NRP1: variants seen among roughly 807,000 people sequenced by gnomAD.
NRP1 encodes the protein neuropilin 1, also known as neuropilin-1.
In NRP1, 35 loss-of-function variants were observed where a neutral mutation model predicts 106.7. The ratio of observed to expected loss-of-function variants is 0.33; its 90% CI spans 0.25 to 0.43. NRP1 has a LOEUF of 0.43. Among genes scored for constraint, NRP1 ranks in the 20% least tolerant of loss-of-function variants. The probability of loss-of-function intolerance (pLI) is 1.00; values close to 1 mark genes in which losing one functional copy is unlikely to be tolerated. For synonymous variants in NRP1, 437 were observed against 417.9 expected, an observed-to-expected ratio of 1.05 and a Z score of -0.56; for missense variants, 1,024 against 1,170.4, an observed-to-expected ratio of 0.87 and a Z score of 1.83.
At chr10:33,311,750 T>C (rs544118173) in intron 2 of NRP1, among the ~76,000 whole-genome samples, 5 of 152,332 alleles carry the variant, frequency 3.3e-5, no homozygotes, top group African/African-American at 9.6e-5. Context: ...CACTTATATA[T>C]ATTTTTAAGC....
chr10:33,318,994 T>TTTTC (rs1265589824), intron 2 of NRP1, among the ~76,000 whole-genome samples: 19 of 132,802 alleles, frequency 1.4e-4, no homozygotes, highest in African/African-American at 4.4e-4. Context: ...AGAACTTTTC[T>TTTTC]TTTCTTTCTT....
At chr10:33,327,639 A>G (rs138318213) in intron 2 of NRP1, among the ~76,000 whole-genome samples, 235 of 152,092 alleles carry the variant, frequency 1.5e-3, no homozygotes, top group Non-Finnish European at 1.9e-3. Context: ...TTGTTCTTCA[A>G]ATAATTTCTG....
intron 15 of NRP1, among the ~76,000 whole-genome samples, chr10:33,184,296 G>A (rs548642128): frequency 1.7e-4 from 26 of 152,332 alleles, no homozygotes; most frequent in Non-Finnish European, 3.4e-4. Context: ...GATGACAGAC[G>A]TGAGCCACTG....
intron 2 of NRP1, among the ~76,000 whole-genome samples, chr10:33,272,119 A>G (rs949534374): frequency 1.2e-4 from 18 of 152,172 alleles, no homozygotes; most frequent in African/African-American, 4.1e-4. Flanking sequence ...CTCTTCTCAA[A>G]CTGCCCGGGA....
intron 6 of NRP1, among the ~76,000 whole-genome samples, chr10:33,247,501 TG>T (rs1430821500): frequency 6.6e-6 from 1 of 152,174 alleles, no homozygotes; most frequent in East Asian, 1.9e-4. Context: ...TGGGAAACCT[TG>T]GAGGACTGAA....
intron 6 of NRP1, among the ~76,000 whole-genome samples, chr10:33,240,712 C>A (rs1840944579): frequency 6.6e-6 from 1 of 152,126 alleles, no homozygotes. Context: ...AAAAAACTCT[C>A]CTTGGCATTA....
intron 2 of NRP1, among the ~76,000 whole-genome samples, chr10:33,290,055 G>T (rs1046145076): frequency 6.6e-6 from 1 of 152,082 alleles, no homozygotes; most frequent in Admixed American, 6.6e-5. Context: ...GTAAATTACA[G>T]GTTTTGTTCT....
chr10:33,232,873 C>A (rs1840268693), intron 6 of NRP1, among the ~76,000 whole-genome samples: 1 of 151,934 alleles, frequency 6.6e-6, no homozygotes, highest in African/African-American at 2.4e-5. Context: ...GTCTTGAACT[C>A]CTGACCTCAA....
At chr10:33,291,888 T>G (rs959315650) in intron 2 of NRP1, among the ~76,000 whole-genome samples, 1 of 152,196 alleles carries the variant, frequency 6.6e-6, no homozygotes, top group Non-Finnish European at 1.5e-5. Flanking sequence ...TAGGTTTTTT[T>G]GTCTGTTTTG....
At chr10:33,324,546 A>C (rs1300028913) in intron 2 of NRP1, among the ~76,000 whole-genome samples, 1 of 152,242 alleles carries the variant, frequency 6.6e-6, no homozygotes, top group Non-Finnish European at 1.5e-5. Context: ...AAAATGCATC[A>C]GTAGGATTCT....
intron 6 of NRP1, among the ~76,000 whole-genome samples, chr10:33,235,371 T>A (rs764338150): frequency 2.6e-5 from 4 of 152,320 alleles, no homozygotes; most frequent in Non-Finnish European, 5.9e-5. Context: ...AGGTGAAGAA[T>A]GCCATTTTCA....
rs75590100 is a variant in NRP1 at position 33,261,611 on chromosome 10, T to A, written c.658+2035A>T. On this transcript the variant is annotated intron_variant, in intron 4 of 16. Coordinates refer to ENST00000374867, the MANE Select transcript of NRP1 (RefSeq NM_003873.7). ...ATGTTAACTCACCCATTTATTCCAA[T>A]GGCAATATAAGGCTTCTCTAAACCT... 4.7e-3 allele frequency among the ~76,000 whole-genome samples: 712 copies of A among 152,322 alleles called. 5 individuals are homozygous for A. Among genetic ancestry groups the A allele is most frequent in the East Asian group, 0.04 (205 of 5,182 alleles).
At chr10:33,262,553 A>AT in intron 4 of NRP1, among the ~76,000 whole-genome samples, 1 of 152,130 alleles carries the variant, frequency 6.6e-6, no homozygotes, top group Middle Eastern at 3.4e-3. Context: ...AAATGCAAAA[A>AT]TTAGCTGAGT....
At chr10:33,214,679 A>G (rs1402581726) in intron 8 of NRP1, among the ~76,000 whole-genome samples, 4 of 152,066 alleles carry the variant, frequency 2.6e-5, no homozygotes, top group Non-Finnish European at 5.9e-5. Flanking sequence ...AAAAATCTCC[A>G]CTGCTAAGTG....
intron 2 of NRP1, among the ~76,000 whole-genome samples, chr10:33,315,715 G>A (rs1217585165): frequency 6.2e-5 from 6 of 96,722 alleles, no homozygotes; most frequent in African/African-American, 1.5e-4. Flanking sequence ...GTCAGAGGAC[G>A]GAGAAAGAAA....
At chr10:33,221,523 C>A (rs779417716) in intron 8 of NRP1, among the ~76,000 whole-genome samples, 196 bp downstream of exon 8, 2 of 152,004 alleles carry the variant, frequency 1.3e-5, no homozygotes, top group African/African-American at 2.4e-5. Flanking sequence ...AGTATATTGA[C>A]CAAAAAAATC....
At chr10:33,234,067 G>A (rs907086701) in intron 6 of NRP1, among the ~76,000 whole-genome samples, 2 of 152,110 alleles carry the variant, frequency 1.3e-5, no homozygotes, top group African/African-American at 4.8e-5. Flanking sequence ...TTTCTGTGTT[G>A]TGTCCCTATG....
chr10:33,199,530 A>T (rs1837110904), intron 11 of NRP1, among the ~76,000 whole-genome samples: 1 of 148,476 alleles, frequency 6.7e-6, no homozygotes, highest in Admixed American at 6.8e-5. Flanking sequence ...GGTGTGAGCC[A>T]CCATGCCCAG....
intron 6 of NRP1, 78 bp from the exon 7 acceptor site, chr10:33,226,367 C>A: frequency 6.6e-7 from 1 of 1,522,210 alleles, no homozygotes. Context: ...CTGTGGGCTC[C>A]ACGTTGTGGT....
Sources: gnomAD v4.1 joint callset for allele counts (sites outside exome capture counted in the v4.1 genomes callset) on GRCh38, gnomAD v4.1.1 for gene constraint, MANE v1.5 for transcripts, NCBI Gene and HGNC (gene_info 2026-07-23, HGNC 2026-07-21) for gene names.